Variants in ZNF208 observed in about 807,000 individuals in gnomAD.
The protein encoded by ZNF208 is zinc finger protein 208.
ZNF208 carries 10 observed loss-of-function variants against 12.1 expected under a neutral mutation model. The ratio of observed to expected loss-of-function variants is 0.83; its 90% confidence interval spans 0.51 to 1.40. ZNF208 has a LOEUF of 1.40. ZNF208 is among the 40% of genes most tolerant of loss of function. The pLI, the probability that ZNF208 is intolerant of heterozygous loss-of-function variation, is 0.00. For missense variants in ZNF208, 1,652 were observed against 1,485.0 expected (o/e 1.11, Z -1.85); for synonymous variants, 497 against 488.4 (o/e 1.02, Z -0.23).
chr19:21,953,255 A>T (rs2522086), intron 4 of ZNF208, among the ~76,000 whole-genome samples: 84,760 of 152,058 alleles, frequency 0.56, 23,894 homozygotes, highest in East Asian at 0.69. Context: ...GATATTAGCC[A>T]GGAGAACTTC....
At chr19:21,992,093 C>T (rs1366957644) in intron 1 of ZNF208, among the ~76,000 whole-genome samples, 1 of 151,828 alleles carries the variant, frequency 6.6e-6, no homozygotes, top group Non-Finnish European at 1.5e-5. Flanking sequence ...GGAAAGGAAA[C>T]CTAAGAAAGA....
intron 4 of ZNF208, among the ~76,000 whole-genome samples, chr19:21,943,122 A>G (rs576302141): frequency 6.6e-6 from 1 of 152,354 alleles, no homozygotes; most frequent in African/African-American, 2.4e-5. Context: ...ATAACCTTGC[A>G]CCACGTAAGA....
At chr19:21,981,516 T>A (rs552412399) in intron 3 of ZNF208, among the ~76,000 whole-genome samples, 15 of 152,158 alleles carry the variant, frequency 9.9e-5, no homozygotes, top group Non-Finnish European at 1.8e-4. Context: ...ACAGCCTTCA[T>A]GCTAAAAACT....
chr19:21,985,197 C>T (rs1247269073), intron 3 of ZNF208, among the ~76,000 whole-genome samples: 1 of 152,104 alleles, frequency 6.6e-6, no homozygotes, highest in Non-Finnish European at 1.5e-5. Context: ...CATTTAAACT[C>T]TTAGAAACAG....
Position 21,972,029 on chromosome 19 carries a change from T to C in ZNF208, c.3005A>G (p.Lys1002Arg), listed in dbSNP as rs1029430956. The C allele has an allele frequency of 3.1e-6, 5 of 1,613,878 alleles. No individual in the cohort carries two copies. Among genetic ancestry groups the C allele is most frequent in the Non-Finnish European group, 4.2e-6 (5 of 1,179,926 alleles). The change falls in exon 4 of 4, where the codon AAA (lysine) becomes AGA (arginine). Residue 1002 changes from lysine (K) to arginine (R), a missense_variant. This residue lies in a region of ZNF208 where 1,239 missense variants were observed against 1,086.2 expected (regional missense o/e 1.14). Transcript: ENST00000397126. Reference protein sequence around the residue: ...KVIHTGEKPYKCEECGKAFNW... With the variant: ...KVIHTGEKPYRCEECGKAFNW... ...GAAAGCTTTGCCACATTCTTCACAT[T>C]TGTAGGGTTTCTCTCCAGTATGAAT...
At position 21,988,853 on chromosome 19, in the gene ZNF208, G is replaced by A. The variant is rs1299270447; in HGVS notation, c.60C>T (p.Cys20=). 1 of 1,614,086 alleles carries A rather than the reference G, an allele frequency of 6.2e-7. No individual in the cohort carries two copies. The highest frequency in any genetic ancestry group is 8.5e-7 in the Non-Finnish European group (1 of 1,179,972). ...AIEFSLEEWQ[C]LDTAQQNLYR... ...ATAAATTCTGCTGTGCAGTGTCCAGGCATTGCCACTCCTCCAGAGAGAATT... is the reference window on the plus strand; with the variant it reads ...ATAAATTCTGCTGTGCAGTGTCCAGACATTGCCACTCCTCCAGAGAGAATT... Residue 20 remains cysteine (C), a synonymous_variant, in exon 2 of 4, where the codon TGC becomes TGT. Transcript: ENST00000397126.
chr19:21,973,624 T>G lies in ZNF208; in HGVS notation c.1410A>C (p.Lys470Asn). Reference protein sequence around the residue: ...KGFSMFSILTKHKVIHNGEKP... With the variant: ...KGFSMFSILTNHKVIHNGEKP... ...TCTCTCCATTATGAATTACCTTATG[T>G]TTAGTAAGGATTGAGAACATACTAA... is the stretch of plus-strand genomic sequence containing the variant. Residue 470 changes from lysine (K) to asparagine (N), a missense_variant, in exon 4 of 4, where the codon AAA becomes AAC. By Grantham distance (94) the Lys-to-Asn change is moderately conservative. Transcript: ENST00000397126. The G allele has an allele frequency of 6.2e-7, 1 of 1,613,578 alleles. No individual in the cohort carries two copies. The highest frequency in any genetic ancestry group is 8.5e-7 in the Non-Finnish European group (1 of 1,179,772).
chr19:22,010,009 C>A (rs1187359491), intron 1 of ZNF208, among the ~76,000 whole-genome samples: 1 of 152,042 alleles, frequency 6.6e-6, no homozygotes, highest in African/African-American at 2.4e-5. Context: ...CATGGTGAAA[C>A]CCTTTCTCAA....
At position 21,971,081 on chromosome 19, in the gene ZNF208, A is replaced by G; in HGVS notation, c.*110T>C. On this transcript the variant is annotated 3_prime_UTR_variant, in exon 4 of 4. Coordinates refer to ENST00000397126, the MANE Select transcript of ZNF208 (RefSeq NM_007153.3). ...TTCCATAAGGTTTGAGGACCAGTTG[A>G]AAGCCTCACCACATTCTTCACATTT... is the stretch of plus-strand genomic sequence containing the variant. The G allele has an allele frequency of 6.2e-7, 1 of 1,612,670 alleles. No homozygotes were observed. Among genetic ancestry groups the G allele is most frequent in the Non-Finnish European group, 8.5e-7 (1 of 1,179,404 alleles).
intron 4 of ZNF208, among the ~76,000 whole-genome samples, chr19:21,952,105 C>G (rs1469216869): frequency 6.6e-6 from 1 of 152,228 alleles, no homozygotes; most frequent in African/African-American, 2.4e-5. Context: ...GAGGGGCATC[C>G]ACCATTGCTG....
chr19:21,980,218 C>G (rs761120058), intron 3 of ZNF208, among the ~76,000 whole-genome samples: 6 of 152,124 alleles, frequency 3.9e-5, no homozygotes, highest in Non-Finnish European at 8.8e-5. Flanking sequence ...AGCTCTGGAC[C>G]AAGCAAACCA....
intron 1 of ZNF208, among the ~76,000 whole-genome samples, chr19:21,991,223 T>G (rs1423082677): frequency 6.6e-6 from 1 of 152,210 alleles, no homozygotes; most frequent in Non-Finnish European, 1.5e-5. Context: ...GCCGATTCAG[T>G]ATGATATTGG....
chr19:21,977,581 G>A (rs145121219), intron 3 of ZNF208, among the ~76,000 whole-genome samples: 195 of 152,312 alleles, frequency 1.3e-3, no homozygotes, highest in African/African-American at 4.5e-3. Context: ...TTCGCAGCCT[G>A]CAGACCAGGA....
intron 1 of ZNF208, among the ~76,000 whole-genome samples, chr19:21,997,144 C>T (rs1466868051): frequency 1.3e-5 from 2 of 152,198 alleles, no homozygotes; most frequent in South Asian, 4.1e-4. Flanking sequence ...TTTTATTACA[C>T]AATTACATGT....
intron 4 of ZNF208, among the ~76,000 whole-genome samples, chr19:21,960,332 C>T (rs1970043616): frequency 6.6e-6 from 1 of 151,632 alleles, no homozygotes; most frequent in Non-Finnish European, 1.5e-5. Flanking sequence ...ATAAAGGTAT[C>T]TAAGTCATAA....
intron 3 of ZNF208, 132 bp downstream of exon 3, chr19:21,987,084 G>T: frequency 1.1e-6 from 1 of 896,148 alleles, no homozygotes; most frequent in Non-Finnish European, 1.6e-6. Context: ...GAAAATTAAA[G>T]AATAAAAATA....
chr19:22,005,420 A>G lies in ZNF208; in HGVS notation c.3+5372T>C, dbSNP rs147168290. Among the ~76,000 whole-genome samples, 316 of 152,302 alleles carry G rather than the reference A, an allele frequency of 2.1e-3. 2 individuals carry two copies. Among genetic ancestry groups the G allele is most frequent in the African/African-American group, 7.2e-3 (298 of 41,566 alleles). ...GGAGATCAGAGCTTCCCATTCCCAGACACCCAGAGTTTCATTCCAGGCCAG... is the reference window on the plus strand; with the variant it reads ...GGAGATCAGAGCTTCCCATTCCCAGGCACCCAGAGTTTCATTCCAGGCCAG... On this transcript the variant is annotated intron_variant, in intron 1 of 3. Coordinates refer to ENST00000397126, the MANE Select transcript of ZNF208 (RefSeq NM_007153.3).
At chr19:21,992,537 G>A (rs768390198) in intron 1 of ZNF208, among the ~76,000 whole-genome samples, 1 of 152,120 alleles carries the variant, frequency 6.6e-6, no homozygotes, top group East Asian at 1.9e-4. Flanking sequence ...ATCCTGTACT[G>A]CAGAGACATA....
intron 1 of ZNF208, among the ~76,000 whole-genome samples, chr19:22,008,578 AT>A (rs907917726): frequency 6.7e-5 from 10 of 149,026 alleles, no homozygotes; most frequent in Admixed American, 2.0e-4. Flanking sequence ...TTGGAGTGCT[AT>A]TTTTTTTCAC....
Sources: gnomAD v4.1 joint callset for allele counts (sites outside exome capture counted in the v4.1 genomes callset) on GRCh38, gnomAD v4.1.1 for gene constraint, gnomAD v4.1.1 regional missense constraint, MANE v1.5 for transcripts, NCBI Gene and HGNC (gene_info 2026-07-23, HGNC 2026-07-21) for gene names.